Variants in CIB4 observed in about 807,000 individuals in gnomAD.
CIB4 encodes the protein calcium and integrin binding family member 4.
Under a neutral mutation model 25.8 loss-of-function variants are expected in CIB4, and 25 were observed. That is an observed-to-expected ratio of 0.97 (90% CI 0.71 to 1.35). The LOEUF (loss-of-function observed/expected upper bound fraction) is 1.35, where lower values mean the gene tolerates loss of function less well. Ranked by LOEUF, CIB4 falls within the 40% of genes most tolerant of loss-of-function variation. The pLI, the probability that CIB4 is intolerant of heterozygous loss-of-function variation, is 0.00. For missense variants in CIB4, 235 were observed against 228.2 expected (o/e 1.03, Z -0.19); for synonymous variants, 75 against 81.4 (o/e 0.92, Z 0.42).
In CIB4 at chr2:26,641,241, C is replaced by T. The variant is rs752001912; in HGVS notation, c.54+20G>A. 17 of 1,604,146 alleles carry T rather than the reference C, an allele frequency of 1.1e-5. No homozygotes were observed. The highest frequency in any genetic ancestry group is 1.5e-5 in the Non-Finnish European group (17 of 1,170,996). On this transcript the variant is annotated intron_variant, in intron 1 of 6. Coordinates refer to ENST00000288861, the MANE Select transcript of CIB4 (RefSeq NM_001029881.3). ...GGAAGCTCCCACCTCTGCCCAGAGT[C>T]CCTAGCCCGATCTACCCACCTGGTA...
At chr2:26,585,852 C>A (rs1240930210) in intron 4 of CIB4, among the ~76,000 whole-genome samples, 1 of 152,034 alleles carries the variant, frequency 6.6e-6, no homozygotes, top group African/African-American at 2.4e-5. Flanking sequence ...CAAGCCCAGG[C>A]TCCTCATGCT....
rs7595964 is a variant in CIB4 at position 26,582,893 on chromosome 2, C to T, written c.459G>A (p.Leu153=). The T allele has an allele frequency of 0.01, 16,847 of 1,613,386 alleles. 828 individuals are homozygous for T. In the African/African-American group the frequency reaches 0.14, roughly 13 times the overall value. Residue 153 remains leucine (L), a synonymous_variant, in exon 6 of 7, where the codon CTG becomes CTA. Coordinates refer to ENST00000288861, the MANE Select transcript of CIB4 (RefSeq NM_001029881.3). ...AGAAGGACAGCATGTTGTCATTGTC[C>T]AGATCCGACTCACTCAGGACCTGGC... ...LTNHVLSESD[L]DNDNMLSFSE...
At chr2:26,637,988 G>A (rs1669564889) in intron 2 of CIB4, among the ~76,000 whole-genome samples, 1 of 152,184 alleles carries the variant, frequency 6.6e-6, no homozygotes, top group Non-Finnish European at 1.5e-5. Flanking sequence ...CTTATGCAGT[G>A]GCGTCCCCAA....
Position 26,581,290 on chromosome 2 carries a change from C to G in CIB4, c.*73G>C, listed in dbSNP as rs1033263747. ...TACAAAGTCATACTTCAAACCAGCT[C>G]CCTCCAGTGCTGGAGGGGGTTCGAT... On this transcript the variant is annotated 3_prime_UTR_variant, in exon 7 of 7. Coordinates refer to ENST00000288861, the MANE Select transcript of CIB4 (RefSeq NM_001029881.3). 1.6e-6 allele frequency: 2 copies of G among 1,265,592 alleles called. No homozygotes were observed. The highest frequency in any genetic ancestry group is 2.3e-6 in the Non-Finnish European group (2 of 863,098). The allele number at this position is 1,265,592 out of a possible 1,614,324, so 78.4% of individuals were successfully genotyped here.
At chr2:26,620,644 T>A (rs142694187) in intron 3 of CIB4, among the ~76,000 whole-genome samples, 23 of 152,248 alleles carry the variant, frequency 1.5e-4, no homozygotes, top group Middle Eastern at 6.8e-3. Context: ...ACCCCTCAGA[T>A]CGCCCTTCAG....
chr2:26,613,469 G>A (rs1669034946), intron 3 of CIB4, among the ~76,000 whole-genome samples: 3 of 152,164 alleles, frequency 2.0e-5, no homozygotes, highest in Non-Finnish European at 4.4e-5. Context: ...GCCACTCAGA[G>A]GGCACAGCCA....
intron 3 of CIB4, among the ~76,000 whole-genome samples, chr2:26,613,601 G>T (rs1669037734): frequency 6.6e-6 from 1 of 152,196 alleles, no homozygotes; most frequent in Non-Finnish European, 1.5e-5. Context: ...TCTGAAGTAG[G>T]CAGGGCTGCT....
chr2:26,597,298 C>T (rs1272276212), intron 3 of CIB4, among the ~76,000 whole-genome samples: 1 of 152,102 alleles, frequency 6.6e-6, no homozygotes, highest in Non-Finnish European at 1.5e-5. Flanking sequence ...TAAGGGAAGA[C>T]AGACAATTAC....
chr2:26,635,862 T>G (rs1179459438), intron 2 of CIB4, among the ~76,000 whole-genome samples: 1 of 152,226 alleles, frequency 6.6e-6, no homozygotes, highest in East Asian at 1.9e-4. Context: ...GCAGCCTGTA[T>G]GTACTGGTCT....
intron 3 of CIB4, among the ~76,000 whole-genome samples, chr2:26,617,139 T>TGTGTGTGTGTGTGTGTGA (rs1669109036): frequency 6.7e-6 from 1 of 149,080 alleles, no homozygotes; most frequent in Non-Finnish European, 1.5e-5. Flanking sequence ...TGTGTGTGTG[T>TGTGTGTGTGTGTGTGTGA]GTGTGTGTGC....
chr2:26,636,636 G>A (rs1365964500), intron 2 of CIB4, among the ~76,000 whole-genome samples: 3 of 152,022 alleles, frequency 2.0e-5, no homozygotes, highest in East Asian at 3.8e-4. Flanking sequence ...TGGTTTACTC[G>A]CTAGTTTTAA....
chr2:26,591,913 G>T (rs1286612819), intron 4 of CIB4, among the ~76,000 whole-genome samples: 1 of 152,258 alleles, frequency 6.6e-6, no homozygotes, highest in African/African-American at 2.4e-5. Flanking sequence ...ACGTGGGCAA[G>T]CTCATGAGCA....
chr2:26,616,745 C>A (rs575442012), intron 3 of CIB4, among the ~76,000 whole-genome samples: 1 of 152,356 alleles, frequency 6.6e-6, no homozygotes, highest in Admixed American at 6.5e-5. Context: ...CTCCTCCTAC[C>A]ACACACATGT....
rs911566816 is a variant in CIB4 at position 26,627,516 on chromosome 2, G to A, written c.186+1894C>T. Among the ~76,000 whole-genome samples the A allele has an allele frequency of 2.0e-5, 3 of 152,130 alleles. No homozygotes were observed. Among genetic ancestry groups the A allele is most frequent in the African/African-American group, 7.2e-5 (3 of 41,410 alleles). The stretch of plus-strand genomic sequence containing the variant: ...CAGCCCTGCCTGTCTGGCTGGCCCT[G>A]ACCCCGGGTCCCTTAGTGGATGGCC... On this transcript the variant is annotated intron_variant, in intron 3 of 6. Coordinates refer to ENST00000288861, the MANE Select transcript of CIB4 (RefSeq NM_001029881.3). This position sits in a 1 kb window ranked among gnomAD's most constrained non-coding sequence, Gnocchi z 4.0.
intron 4 of CIB4, among the ~76,000 whole-genome samples, chr2:26,585,071 G>C (rs1007386520): frequency 6.6e-6 from 1 of 152,160 alleles, no homozygotes; most frequent in African/African-American, 2.4e-5. Flanking sequence ...GAACAGTCAG[G>C]GTCCACCTGA....
chr2:26,585,450 G>A lies in CIB4; in HGVS notation c.329-1552C>T, dbSNP rs1239797247. ...TTGAATGGCAGGTGAGGTGATGTCCGGCCTTCTCAGCACCACTCCCCTAGA... is the reference window on the plus strand; with the variant it reads ...TTGAATGGCAGGTGAGGTGATGTCCAGCCTTCTCAGCACCACTCCCCTAGA... On this transcript the variant is annotated intron_variant, in intron 4 of 6. Coordinates refer to ENST00000288861, the MANE Select transcript of CIB4 (RefSeq NM_001029881.3). Among the ~76,000 whole-genome samples, 5 of 152,028 alleles carry A rather than the reference G, an allele frequency of 3.3e-5. No homozygotes were observed. In the East Asian group the frequency reaches 5.8e-4, roughly 18 times the overall value.
At chr2:26,614,111 C>T (rs778113152) in intron 3 of CIB4, among the ~76,000 whole-genome samples, 13 of 152,116 alleles carry the variant, frequency 8.5e-5, no homozygotes, top group Non-Finnish European at 1.6e-4. Flanking sequence ...TTAGGAGGCC[C>T]GAAGAGGGGA....
chr2:26,588,595 T>C (rs192866811), intron 4 of CIB4, among the ~76,000 whole-genome samples: 2 of 152,368 alleles, frequency 1.3e-5, no homozygotes, highest in East Asian at 3.9e-4. Context: ...CCAGGACTTT[T>C]ACAGAAATCA....
chr2:26,587,661 A>G (rs957370802), intron 4 of CIB4, among the ~76,000 whole-genome samples: 1 of 152,356 alleles, frequency 6.6e-6, no homozygotes, highest in South Asian at 2.1e-4. Flanking sequence ...CTATACTAAG[A>G]TATCTTAGTA....
Sources: gnomAD v4.1 joint callset for allele counts (sites outside exome capture counted in the v4.1 genomes callset) on GRCh38, gnomAD v4.1.1 for gene constraint, Gnocchi (gnomAD v3.1) non-coding constraint, MANE v1.5 for transcripts, NCBI Gene and HGNC (gene_info 2026-07-23, HGNC 2026-07-21) for gene names.